Variants in FUT9 observed in about 807,000 individuals in gnomAD.
FUT9 encodes fucosyltransferase 9.
Under a neutral mutation model 29.7 loss-of-function variants are expected in FUT9, and 15 were observed. The ratio of observed to expected loss-of-function variants is 0.51; its 90% CI spans 0.34 to 0.78. The LOEUF (loss-of-function observed/expected upper bound fraction) is 0.78, where lower values mean the gene tolerates loss of function less well. Among genes scored for constraint, FUT9 ranks in the 30% least tolerant of loss-of-function variants. FUT9 has a pLI of 0.01. For missense variants in FUT9, 319 were observed against 425.4 expected (o/e 0.75, Z 2.20); for synonymous variants, 169 against 153.7 (o/e 1.10, Z -0.74).
chr6:96,123,440 T>G lies in FUT9; in HGVS notation c.-9+9313T>G, dbSNP rs556770513. On this transcript the variant is annotated intron_variant, in intron 2 of 2. Transcript: ENST00000302103. ...AGGAAGAGTGTAATTCAGTTACTGG[T>G]TGACTTCCAGAGGCGTAAGTGTATT... Among the ~76,000 whole-genome samples, 223 of 152,308 alleles carry G rather than the reference T, an allele frequency of 1.5e-3. 2 individuals carry two copies. The highest frequency in any genetic ancestry group is 1.2e-4 in the Non-Finnish European group (8 of 68,028).
chr6:96,065,542 C>T (rs530276791), intron 1 of FUT9, among the ~76,000 whole-genome samples: 71 of 152,002 alleles, frequency 4.7e-4, no homozygotes, highest in Non-Finnish European at 8.4e-4. Context: ...TTAATAAGTA[C>T]AATATTGTTC....
chr6:96,036,070 A>G (rs1467430238), intron 1 of FUT9, among the ~76,000 whole-genome samples: 1 of 140,112 alleles, frequency 7.1e-6, no homozygotes, highest in Non-Finnish European at 1.5e-5. Context: ...ATAATATAAT[A>G]CAGTATTATA....
intron 2 of FUT9, among the ~76,000 whole-genome samples, chr6:96,119,507 A>T (rs185250684): frequency 1.3e-4 from 20 of 152,290 alleles, no homozygotes; most frequent in Admixed American, 5.9e-4. Context: ...GTGACACATG[A>T]CTGTATATAA....
At chr6:96,103,161 T>C (rs1472068488) in intron 1 of FUT9, among the ~76,000 whole-genome samples, 1 of 152,196 alleles carries the variant, frequency 6.6e-6, no homozygotes, top group Non-Finnish European at 1.5e-5. Context: ...TATTATCATG[T>C]GACAGCATTA....
chr6:96,171,494 G>C (rs1261754093), intron 2 of FUT9, among the ~76,000 whole-genome samples: 1 of 150,724 alleles, frequency 6.6e-6, no homozygotes, highest in African/African-American at 2.4e-5. Context: ...ATGGTGAAAT[G>C]GGACACAATA....
At chr6:96,055,713 T>TC (rs1383898955) in intron 1 of FUT9, among the ~76,000 whole-genome samples, 1 of 119,554 alleles carries the variant, frequency 8.4e-6, no homozygotes, top group Non-Finnish European at 2.1e-5. Context: ...CTTTTTCTTT[T>TC]TTTTTTTTTT....
At chr6:96,096,849 G>T (rs923153286) in intron 1 of FUT9, among the ~76,000 whole-genome samples, 4 of 151,860 alleles carry the variant, frequency 2.6e-5, no homozygotes, top group Non-Finnish European at 5.9e-5. Flanking sequence ...GCACAATATG[G>T]TTTTTATTCG....
chr6:96,106,963 C>T (rs997579559), intron 1 of FUT9, among the ~76,000 whole-genome samples: 1 of 152,210 alleles, frequency 6.6e-6, no homozygotes, highest in Admixed American at 6.5e-5. Context: ...TTATGTATGT[C>T]TGCCTTCATA....
At chr6:96,200,282 C>T (rs1418687318) in intron 2 of FUT9, among the ~76,000 whole-genome samples, 3 of 152,070 alleles carry the variant, frequency 2.0e-5, no homozygotes, top group African/African-American at 4.8e-5. Flanking sequence ...TTCTTAATTA[C>T]AGAATAAAAG....
intron 1 of FUT9, among the ~76,000 whole-genome samples, chr6:96,102,034 A>G (rs1160532182): frequency 6.6e-6 from 1 of 152,150 alleles, no homozygotes; most frequent in African/African-American, 2.4e-5. Context: ...ATGTGTGTAA[A>G]GTCTCAAAAA....
intron 1 of FUT9, among the ~76,000 whole-genome samples, chr6:96,030,728 A>G (rs1770246767): frequency 6.6e-6 from 1 of 151,572 alleles, no homozygotes; most frequent in Non-Finnish European, 1.5e-5. Context: ...GAAACAACCT[A>G]AGTGTCCATC....
At chr6:96,091,265 C>G (rs145600015) in intron 1 of FUT9, among the ~76,000 whole-genome samples, 1 of 152,028 alleles carries the variant, frequency 6.6e-6, no homozygotes, top group African/African-American at 2.4e-5. Flanking sequence ...TAAATTTAAC[C>G]ATGAGAAGGT....
In FUT9 at chr6:96,208,428, C is replaced by A. The variant is rs1054887318; in HGVS notation, c.*4193C>A. On this transcript the variant is annotated 3_prime_UTR_variant, in exon 3 of 3. Coordinates refer to ENST00000302103, the MANE Select transcript of FUT9 (RefSeq NM_006581.4). ...ATTACAATCGAGCTGTTAAATATAACAAACATCAGAATCTAAAGGATAAGC... is the reference window on the plus strand; with the variant it reads ...ATTACAATCGAGCTGTTAAATATAAAAAACATCAGAATCTAAAGGATAAGC... The A allele has an allele frequency of 6.0e-6, 1 of 166,646 alleles. No individual in the cohort carries two copies. Among genetic ancestry groups the A allele is most frequent in the African/African-American group, 2.4e-5 (1 of 41,390 alleles). 10.3% of individuals were successfully genotyped at this position (166,646 alleles called of 1,614,324 possible).
At chr6:96,120,167 G>A (rs888261741) in intron 2 of FUT9, among the ~76,000 whole-genome samples, 2 of 151,006 alleles carry the variant, frequency 1.3e-5, no homozygotes, top group Non-Finnish European at 2.9e-5. Context: ...TTCTACCATC[G>A]TAGAAGTCTA....
chr6:96,034,962 G>A (rs763576557), intron 1 of FUT9, among the ~76,000 whole-genome samples: 5 of 151,768 alleles, frequency 3.3e-5, no homozygotes, highest in Non-Finnish European at 7.4e-5. Flanking sequence ...GTTTGGATAA[G>A]AGGAGATAAG....
chr6:96,039,520 GT>G (rs992363195), intron 1 of FUT9, among the ~76,000 whole-genome samples: 3 of 152,062 alleles, frequency 2.0e-5, no homozygotes, highest in Admixed American at 6.6e-5. Context: ...AACTTGGCAA[GT>G]TTTTTCCCAC....
At chr6:96,045,884 C>T (rs145521833) in intron 1 of FUT9, among the ~76,000 whole-genome samples, 35 of 152,212 alleles carry the variant, frequency 2.3e-4, no homozygotes, top group African/African-American at 8.2e-4. Context: ...ATGGGTGCCT[C>T]GAGGAGGAGG....
chr6:96,136,695 C>G (rs1021224746), intron 2 of FUT9, among the ~76,000 whole-genome samples: 2 of 151,812 alleles, frequency 1.3e-5, no homozygotes, highest in East Asian at 3.9e-4. Flanking sequence ...TTTTTATGCA[C>G]AGAAGAGAGC....
At chr6:96,180,462 T>A (rs1236352383) in intron 2 of FUT9, among the ~76,000 whole-genome samples, 1 of 152,138 alleles carries the variant, frequency 6.6e-6, no homozygotes, top group African/African-American at 2.4e-5. Context: ...CAGTGGATGG[T>A]CTTCCTGTTT....
Sources: allele counts gnomAD v4.1 joint callset (sites outside exome capture counted in the v4.1 genomes callset), GRCh38; gene constraint gnomAD v4.1.1; transcripts MANE v1.5; gene names NCBI Gene and HGNC (gene_info 2026-07-23, HGNC 2026-07-21).